Variants in DEUP1 observed in about 807,000 individuals in gnomAD.
DEUP1 encodes deuterosome assembly protein 1.
Under a neutral mutation model 87.4 loss-of-function variants are expected in DEUP1, and 82 were observed. That is an observed-to-expected ratio of 0.94 (90% CI 0.78 to 1.13). DEUP1 has a LOEUF of 1.13. DEUP1 is among the 50% of genes most tolerant of loss of function. The pLI is 0.00. For synonymous variants in DEUP1, 214 were observed against 222.7 expected (o/e 0.96, Z 0.35); for missense variants, 663 against 681.5 (o/e 0.97, Z 0.30).
chr11:93,356,869 GTTC>G, intron 3 of DEUP1, 76 bp from the exon 4 acceptor site: 5 of 849,530 alleles, frequency 5.9e-6, no homozygotes, highest in African/African-American at 1.7e-5. Context: ...TATTTGAATT[GTTC>G]TTCTCTTTTG....
At chr11:93,367,371 T>A (rs2134252373) in intron 5 of DEUP1, among the ~76,000 whole-genome samples, 1 of 152,330 alleles carries the variant, frequency 6.6e-6, no homozygotes, top group African/African-American at 2.4e-5. Context: ...ATTCTCTAAA[T>A]TAGCATTTGT....
chr11:93,436,419 G>T (rs1303202179), intron 13 of DEUP1, among the ~76,000 whole-genome samples: 1 of 152,190 alleles, frequency 6.6e-6, no homozygotes, highest in Non-Finnish European at 1.5e-5. Context: ...AATGCTAACT[G>T]CTTCCTATCC....
chr11:93,375,575 G>A (rs1591174635), intron 7 of DEUP1, among the ~76,000 whole-genome samples: 1 of 152,102 alleles, frequency 6.6e-6, no homozygotes, highest in South Asian at 2.1e-4. Context: ...TGTTTATGAG[G>A]TGTATTGCAT....
intron 5 of DEUP1, among the ~76,000 whole-genome samples, chr11:93,366,323 G>A (rs564346982): frequency 6.6e-6 from 1 of 152,128 alleles, no homozygotes; most frequent in Non-Finnish European, 1.5e-5. Flanking sequence ...CCAACATATA[G>A]TAATCACTAA....
Position 93,366,996 on chromosome 11 carries a change from A to G in DEUP1, c.432+2702A>G, listed in dbSNP as rs77906146. Among the ~76,000 whole-genome samples the G allele has an allele frequency of 3.7e-3, 567 of 152,272 alleles. 5 individuals are homozygous for G. Among genetic ancestry groups the G allele is most frequent in the African/African-American group, 0.013 (542 of 41,562 alleles). On this transcript the variant is annotated intron_variant, in intron 5 of 13. Coordinates refer to ENST00000298050, the MANE Select transcript of DEUP1 (RefSeq NM_181645.4). ...TAGAACCTCATTTTATAAATTTGCC[A>G]TTATTGCTAAAGACCCTGTTTTTAT...
chr11:93,352,352 T>G (rs937903051), intron 2 of DEUP1: 2 of 702,376 alleles, frequency 2.8e-6, no homozygotes, highest in African/African-American at 3.5e-5. Context: ...TCTGAGTGAC[T>G]GGACTTACAC....
At chr11:93,377,752 T>C (rs1413324421) in intron 7 of DEUP1, among the ~76,000 whole-genome samples, 2 of 152,178 alleles carry the variant, frequency 1.3e-5, no homozygotes, top group African/African-American at 2.4e-5. Flanking sequence ...TTGGTGTATG[T>C]TGAGGATTTC....
chr11:93,432,657 G>A (rs1308074147), intron 13 of DEUP1, among the ~76,000 whole-genome samples: 1 of 152,124 alleles, frequency 6.6e-6, no homozygotes, highest in African/African-American at 2.4e-5. Flanking sequence ...AGGTAATGAG[G>A]ATAGAGACAA....
chr11:93,410,257 A>G (rs1264183132), intron 12 of DEUP1, among the ~76,000 whole-genome samples: 2 of 152,148 alleles, frequency 1.3e-5, no homozygotes, highest in Admixed American at 1.3e-4. Context: ...TGCCATCCCT[A>G]AAAAGCATCA....
At chr11:93,401,849 TC>T (rs1478797087) in intron 11 of DEUP1, among the ~76,000 whole-genome samples, 2 of 151,852 alleles carry the variant, frequency 1.3e-5, no homozygotes, top group African/African-American at 4.8e-5. Context: ...CAAACAAAAA[TC>T]AAATAAAAAT....
chr11:93,365,543 TG>T (rs1228635172), intron 5 of DEUP1, among the ~76,000 whole-genome samples: 8 of 152,258 alleles, frequency 5.3e-5, no homozygotes, highest in Non-Finnish European at 1.2e-4. Flanking sequence ...TGACTTTTCA[TG>T]GGCTTTTGTG....
chr11:93,360,442 T>G (rs1375928764), intron 4 of DEUP1, among the ~76,000 whole-genome samples: 2 of 152,072 alleles, frequency 1.3e-5, no homozygotes, highest in Admixed American at 6.6e-5. Context: ...GATCTCAACT[T>G]GAATAAGAAA....
chr11:93,352,465 C>A, intron 2 of DEUP1: 1 of 685,722 alleles, frequency 1.5e-6, no homozygotes. Flanking sequence ...AGCTGTTATA[C>A]TAAGCATTTT....
intron 12 of DEUP1, among the ~76,000 whole-genome samples, chr11:93,414,780 TGTTAA>T (rs1947554675): frequency 6.6e-6 from 1 of 152,146 alleles, no homozygotes; most frequent in African/African-American, 2.4e-5. Context: ...TTTTAACAGT[TGTTAA>T]GTTTTCTGCT....
chr11:93,378,838 G>C (rs1302608579), intron 7 of DEUP1, among the ~76,000 whole-genome samples: 2 of 152,142 alleles, frequency 1.3e-5, no homozygotes, highest in African/African-American at 4.8e-5. Flanking sequence ...TGTTCCTACA[G>C]TAGTTCTTGG....
chr11:93,352,463 T>C (rs997065079), intron 2 of DEUP1: 6 of 686,900 alleles, frequency 8.7e-6, no homozygotes, highest in Admixed American at 6.2e-5. Context: ...CTAGCTGTTA[T>C]ACTAAGCATT....
At position 93,370,069 on chromosome 11, in the gene DEUP1, A is replaced by C; in HGVS notation, c.433-4A>C. The stretch of plus-strand genomic sequence containing the variant: ...AATATGTTTGTCTCCCCACTTTTTA[A>C]AAGGAATTTAGAGCAAAGTCAAGAG... On this transcript the variant is annotated splice_region_variant and splice_polypyrimidine_tract_variant and intron_variant, in intron 5 of 13. Coordinates refer to ENST00000298050, the MANE Select transcript of DEUP1 (RefSeq NM_181645.4). 1 of 1,537,798 alleles carries C rather than the reference A, an allele frequency of 6.5e-7. No individual in the cohort carries two copies.
chr11:93,393,815 C>T (rs1437698976), intron 9 of DEUP1, among the ~76,000 whole-genome samples: 1 of 152,084 alleles, frequency 6.6e-6, no homozygotes, highest in African/African-American at 2.4e-5. Context: ...ATAGAATGGA[C>T]AGAATTCATT....
intron 11 of DEUP1, among the ~76,000 whole-genome samples, chr11:93,398,839 G>T (rs947820104): frequency 7.9e-5 from 12 of 151,358 alleles, no homozygotes; most frequent in Admixed American, 7.9e-4. Context: ...TCCTGCCTCA[G>T]CCTCCCAAGC....
Sources: allele counts gnomAD v4.1 joint callset (sites outside exome capture counted in the v4.1 genomes callset), GRCh38; gene constraint gnomAD v4.1.1; transcripts MANE v1.5; gene names NCBI Gene and HGNC (gene_info 2026-07-23, HGNC 2026-07-21).